Variants in TERF2 observed in about 807,000 individuals in gnomAD.
TERF2 encodes telomeric repeat-binding factor 2.
TERF2 carries 16 observed loss-of-function variants against 56.1 expected under a neutral mutation model. The observed-to-expected ratio is 0.29, with a 90% CI of 0.19 to 0.43. The LOEUF (loss-of-function observed/expected upper bound fraction) is 0.43, where lower values mean the gene tolerates loss of function less well. Among genes scored for constraint, TERF2 ranks in the 20% least tolerant of loss-of-function variants. TERF2 has a pLI of 1.00. For synonymous variants in TERF2, 296 were observed against 282.1 expected, an observed-to-expected ratio of 1.05 and a Z score of -0.50; for missense variants, 547 against 712.9, an observed-to-expected ratio of 0.77 and a Z score of 2.65.
intron 8 of TERF2, among the ~76,000 whole-genome samples, chr16:69,359,627 ATTTTTTTTT>A (rs564611021): frequency 6.9e-5 from 5 of 72,574 alleles, no homozygotes; most frequent in Admixed American, 1.6e-4. Context: ...ATCATTCCCA[ATTTTTTTTT>A]TTTTTTTTTT....
At position 69,370,294 on chromosome 16, in the gene TERF2, G is replaced by A. The variant is rs1597250116; in HGVS notation, c.840+189C>T. Reference sequence around the variant, plus strand: ...GATCCACCCCCCTGGGCCTCCCAAAGTGCTGGGATTACAGGCGTGAGCCAT... The same window carrying A: ...GATCCACCCCCCTGGGCCTCCCAAAATGCTGGGATTACAGGCGTGAGCCAT... On this transcript the variant is annotated intron_variant, in intron 5 of 9. Transcript: ENST00000254942. The A allele has an allele frequency of 3.1e-5, 23 of 741,524 alleles. No homozygotes were observed. The East Asian group carries it at 6.3e-4, about 20-fold the overall frequency. 45.9% of individuals were successfully genotyped at this position (741,524 alleles called of 1,614,324 possible). A position where few individuals can be genotyped will look rare whatever the true frequency, so the allele number is the denominator to read the frequency against.
intron 3 of TERF2, among the ~76,000 whole-genome samples, chr16:69,383,273 T>G (rs1481525749): frequency 6.6e-6 from 1 of 152,214 alleles, no homozygotes; most frequent in East Asian, 1.9e-4. Context: ...TTGAGGGCAT[T>G]TGGGATTTCA....
intron 3 of TERF2, among the ~76,000 whole-genome samples, chr16:69,383,660 C>T (rs377031631): frequency 5.3e-5 from 8 of 152,168 alleles, no homozygotes; most frequent in African/African-American, 1.9e-4. Context: ...ATATGTGCAC[C>T]TCATGCACAC....
Position 69,357,109 on chromosome 16 carries a change from C to A in TERF2, c.1471-53G>T, listed in dbSNP as rs552170967. ...ACCACCTTTCCTCTCCACTTACTTACATTTTCTCCAATGTAGTGATAAGGT... is the reference window on the plus strand; with the variant it reads ...ACCACCTTTCCTCTCCACTTACTTAAATTTTCTCCAATGTAGTGATAAGGT... On this transcript the variant is annotated intron_variant, in intron 9 of 9. Transcript: ENST00000254942. 9 of 1,551,572 alleles carry A rather than the reference C, an allele frequency of 5.8e-6. No individual in the cohort carries two copies. The South Asian group carries it at 7.4e-5, about 13-fold the overall frequency.
At chr16:69,363,396 C>T (rs572632444) in intron 7 of TERF2, among the ~76,000 whole-genome samples, 8 of 152,260 alleles carry the variant, frequency 5.3e-5, no homozygotes, top group Admixed American at 1.3e-4. Context: ...GTGGTGATTT[C>T]GCAAGACCTC....
chr16:69,372,426 A>G (rs961645319), intron 3 of TERF2, 71 bp from the exon 4 acceptor site: 3 of 1,012,308 alleles, frequency 3.0e-6, no homozygotes, highest in Non-Finnish European at 4.5e-6. Flanking sequence ...AAACATCAAA[A>G]TAACTCTCTC....
rs746510759 is a variant in TERF2 at position 69,367,011 on chromosome 16, T to C, written c.1136A>G (p.Glu379Gly). The change falls in exon 7 of 10, where the codon GAA becomes GGA. Residue 379 changes from glutamate to glycine, a missense_variant. Glu to Gly is a moderately conservative substitution (Grantham distance 98). This residue lies in a region of TERF2 where 211 missense variants were observed against 236.8 expected (regional missense o/e 0.89). Transcript: ENST00000254942. ...KNKRPRKDEN[E>G]SSAPADGEGG... ...CTCACCGTCAGCCGGGGCTGAACTT[T>C]CGTTTTCATCTTTTCTGGGTCTCTT... is the stretch of plus-strand genomic sequence containing the variant. 6.2e-6 allele frequency: 10 copies of C among 1,614,244 alleles called. No individual in the cohort carries two copies. In the South Asian group the frequency reaches 7.7e-5, roughly 12 times the overall value.
In TERF2 at chr16:69,385,888, C is replaced by T; in HGVS notation, c.84G>A (p.Arg28=). 1 of 1,374,108 alleles carries T rather than the reference C, an allele frequency of 7.3e-7. No homozygotes were observed. Among genetic ancestry groups the T allele is most frequent in the Non-Finnish European group, 9.4e-7 (1 of 1,061,994 alleles). 85.1% of individuals were successfully genotyped at this position (1,374,108 alleles called of 1,614,324 possible). A position where few individuals can be genotyped will look rare whatever the true frequency, so the allele number is the denominator to read the frequency against. The change falls in exon 1 of 10, where the codon CGG becomes CGA. Residue 28 remains arginine (R), a synonymous_variant. Transcript: ENST00000254942. ...RDPAASQPRK[R]PGREGGEGAR... Reference sequence around the variant, plus strand: ...CGCCCTCCCCGCCCTCCCGGCCGGGCCGCTTCCTCGGCTGTGACGCCGCTG... The same window carrying T: ...CGCCCTCCCCGCCCTCCCGGCCGGGTCGCTTCCTCGGCTGTGACGCCGCTG...
chr16:69,384,386 ACT>A (rs2014112613), intron 3 of TERF2, among the ~76,000 whole-genome samples, 192 bp downstream of exon 3: 1 of 152,162 alleles, frequency 6.6e-6, no homozygotes, highest in African/African-American at 2.4e-5. Flanking sequence ...AAACTGAGCA[ACT>A]GCCATTACTT....
At chr16:69,361,013 G>A (rs1480532100) in intron 8 of TERF2, among the ~76,000 whole-genome samples, 1 of 151,756 alleles carries the variant, frequency 6.6e-6, no homozygotes, top group Non-Finnish European at 1.5e-5. Context: ...TGGGAGGATC[G>A]CTTGAGCCCA....
chr16:69,367,183 G>C lies in TERF2; in HGVS notation c.964C>G (p.Pro322Ala). 1 of 1,609,030 alleles carries C rather than the reference G, an allele frequency of 6.2e-7. No homozygotes were observed. Among genetic ancestry groups the C allele is most frequent in the Non-Finnish European group, 8.5e-7 (1 of 1,176,030 alleles). ...REPARQLRNP[P>A]TTIGMMTLKA... ...AGAGTCATCATTCCAATGGTGGTTGGAGGATTCCGTAGCTGCCTGCAAATC... is the reference window on the plus strand; with the variant it reads ...AGAGTCATCATTCCAATGGTGGTTGCAGGATTCCGTAGCTGCCTGCAAATC... The change falls in exon 7 of 10, where the codon CCA becomes GCA. Residue 322 changes from proline (P) to alanine (A), a missense_variant. Physicochemically the swap from Pro to Ala is conservative, Grantham distance 27 (BLOSUM62 -1). Transcript: ENST00000254942.
At chr16:69,385,325 A>T in intron 2 of TERF2, 66 bp downstream of exon 2, 2 of 1,354,186 alleles carry the variant, frequency 1.5e-6, no homozygotes, top group Non-Finnish European at 2.1e-6. Flanking sequence ...CTTCAGTTCT[A>T]GATATAAGTT....
At chr16:69,366,705 G>A in intron 7 of TERF2, 102 bp downstream of exon 7, 1 of 1,408,160 alleles carries the variant, frequency 7.1e-7, no homozygotes, top group Non-Finnish European at 9.5e-7. Flanking sequence ...AGCCTTGGTG[G>A]TGAGTAACTT....
chr16:69,369,211 A>C (rs909485679), intron 5 of TERF2, among the ~76,000 whole-genome samples: 3 of 119,892 alleles, frequency 2.5e-5, no homozygotes, highest in Non-Finnish European at 3.6e-5. Context: ...TGCTGCCTGA[A>C]TATCCCAAAC....
chr16:69,376,816 T>C (rs2013802581), intron 3 of TERF2, among the ~76,000 whole-genome samples: 1 of 143,384 alleles, frequency 7.0e-6, no homozygotes, highest in Admixed American at 7.2e-5. Context: ...GCCATGATTA[T>C]GCCACTGCAT....
At chr16:69,368,529 A>G (rs749266873) in intron 5 of TERF2, 47 bp from the exon 6 acceptor site, 4 of 1,608,410 alleles carry the variant, frequency 2.5e-6, no homozygotes, top group Non-Finnish European at 3.4e-6. Flanking sequence ...ACAGAATTGC[A>G]TTAATTCTCT....
chr16:69,384,138 T>G (rs1353454373), intron 3 of TERF2, among the ~76,000 whole-genome samples: 1 of 152,214 alleles, frequency 6.6e-6, no homozygotes, highest in Non-Finnish European at 1.5e-5. Flanking sequence ...GATTCTAATC[T>G]ATCTGTTCAA....
chr16:69,368,226 T>G, intron 6 of TERF2, 150 bp downstream of exon 6: 1 of 674,844 alleles, frequency 1.5e-6, no homozygotes, highest in African/African-American at 1.8e-5. Flanking sequence ...TCCCAGGGTG[T>G]GCAGTCTCCC....
rs2013370466 is a variant in TERF2, at chr16:69,366,913, T to A, written c.1234A>T (p.Ser412Cys). Reference protein sequence around the residue: ...SRLVLEEDSQSTEPSAGLNSS... With the variant: ...SRLVLEEDSQCTEPSAGLNSS... ...TTGAGGCCTGCGCTGGGCTCAGTAC[T>A]CTGGCTGTCCTCCTCCAAGACCAAT... Residue 412 changes from serine (S) to cysteine (C), a missense_variant, in exon 7 of 10, where the codon AGT (serine) becomes TGT (cysteine). By Grantham distance (112) the Ser-to-Cys change is moderately radical. Around this residue, in one of 6 missense-constraint regions of TERF2, gnomAD observed 211 missense variants for 236.8 expected, o/e 0.89. Coordinates refer to ENST00000254942, the MANE Select transcript of TERF2 (RefSeq NM_005652.5). 6.2e-7 allele frequency: 1 copy of A among 1,614,114 alleles called. No homozygotes were observed. The highest frequency in any genetic ancestry group is 1.7e-5 in the Admixed American group (1 of 60,002).
Sources: allele counts gnomAD v4.1 joint callset (sites outside exome capture counted in the v4.1 genomes callset), GRCh38; gene constraint gnomAD v4.1.1; regional missense constraint gnomAD v4.1.1; transcripts MANE v1.5; gene names NCBI Gene and HGNC (gene_info 2026-07-23, HGNC 2026-07-21).